Variants in ZNF829 observed in about 807,000 individuals in gnomAD.
The protein encoded by ZNF829 is zinc finger protein 829.
A neutral mutation model predicts 35.2 loss-of-function variants in ZNF829; 25 were observed. The observed-to-expected ratio is 0.71, with a 90% CI of 0.52 to 0.99. ZNF829 has a LOEUF of 0.99. Among genes scored for constraint, ZNF829 ranks in the 50% least tolerant of loss-of-function variants. ZNF829 has a pLI of 0.00. For missense variants in ZNF829, 417 were observed against 515.3 expected (o/e 0.81, Z 1.85); for synonymous variants, 136 against 163.2 (o/e 0.83, Z 1.27).
chr19:36,903,765 C>T (rs971822416), intron 5 of ZNF829, among the ~76,000 whole-genome samples: 1 of 151,176 alleles, frequency 6.6e-6, no homozygotes, highest in Non-Finnish European at 1.5e-5. Context: ...GTGGCAGGTG[C>T]CTCTAATCCC....
intron 5 of ZNF829, chr19:36,901,898 G>A (rs1179621720): frequency 2.6e-6 from 2 of 762,098 alleles, no homozygotes; most frequent in African/African-American, 3.4e-5. Flanking sequence ...TCAGAAATTT[G>A]CCATGAAGGA....
intron 5 of ZNF829, chr19:36,892,853 G>A (rs1303492083): frequency 8.9e-7 from 1 of 1,122,978 alleles, no homozygotes; most frequent in Non-Finnish European, 1.1e-6. Context: ...CCAGCTCTGT[G>A]TCTCCTCGTC....
chr19:36,913,603 G>A (rs1005271428), intron 3 of ZNF829, among the ~76,000 whole-genome samples: 6 of 152,160 alleles, frequency 3.9e-5, no homozygotes, highest in African/African-American at 1.4e-4. Context: ...ACCAAAAAGA[G>A]ATAAGACACA....
Position 36,915,115 on chromosome 19 carries a change from A to G in ZNF829, c.38+15T>C. On this transcript the variant is annotated intron_variant, in intron 2 of 5. Coordinates refer to ENST00000391711, the MANE Select transcript of ZNF829 (RefSeq NM_001037232.4). ...ATTAGTCAAGTAAGAGTTCTTCCCC[A>G]GCCCCATTACCCACCACACATGAGG... is the stretch of plus-strand genomic sequence containing the variant. 6.2e-7 allele frequency: 1 copy of G among 1,614,110 alleles called. No homozygotes were observed. The highest frequency in any genetic ancestry group is 8.5e-7 in the Non-Finnish European group (1 of 1,180,006).
At position 36,907,934 on chromosome 19, in the gene ZNF829, C is replaced by T; in HGVS notation, c.314G>A (p.Cys105Tyr). The change falls in exon 5 of 6, where the codon TGT becomes TAT. Residue 105 changes from cysteine to tyrosine, a missense_variant. Physicochemically the swap from Cys to Tyr is radical, Grantham distance 194 (BLOSUM62 -2). Coordinates refer to ENST00000391711, the MANE Select transcript of ZNF829 (RefSeq NM_001037232.4). ...MVDRELTRGL[C>Y]SDLESMCETK... ...AGCCATCATCTCTTACTTACCTGAACACAGGCCTCTAGTCAGCTCTCTATC... is the reference window on the plus strand; with the variant it reads ...AGCCATCATCTCTTACTTACCTGAATACAGGCCTCTAGTCAGCTCTCTATC... 6.2e-7 allele frequency: 1 copy of T among 1,613,660 alleles called. No individual in the cohort carries two copies.
intron 5 of ZNF829, chr19:36,902,023 G>A (rs2073170728): frequency 4.6e-6 from 3 of 651,048 alleles, no homozygotes; most frequent in Admixed American, 2.2e-5. Context: ...TACGTAATGG[G>A]GATGAAGATT....
At chr19:36,913,789 T>C (rs1333437455) in intron 3 of ZNF829, among the ~76,000 whole-genome samples, 1 of 152,102 alleles carries the variant, frequency 6.6e-6, no homozygotes, top group Non-Finnish European at 1.5e-5. Context: ...ATAAAACACA[T>C]TTATATATCT....
In ZNF829 at chr19:36,908,393, C is replaced by G; in HGVS notation, c.163G>C (p.Asp55His). 6.2e-7 allele frequency: 1 copy of G among 1,613,760 alleles called. No individual in the cohort carries two copies. The highest frequency in any genetic ancestry group is 8.5e-7 in the Non-Finnish European group (1 of 1,179,810). ...SQEEWECLDA[D>H]QMNLYKEVML... ...ACTTCTTTGTATAAATTCATCTGAT[C>G]AGCGTCCAGGCATTCCCATTCCTCT... Residue 55 changes from aspartate (D) to histidine (H), a missense_variant, in exon 4 of 6, where the codon GAT becomes CAT. Transcript: ENST00000391711.
Position 36,891,533 on chromosome 19 carries a change from G to A in ZNF829, c.1258C>T (p.Arg420Cys), listed in dbSNP as rs556562482. 8.0e-5 allele frequency: 128 copies of A among 1,598,172 alleles called. No individual in the cohort carries two copies. Among genetic ancestry groups the A allele is most frequent in the Non-Finnish European group, 9.2e-5 (108 of 1,173,564 alleles). Residue 420 changes from arginine (R) to cysteine (C), a missense_variant, in exon 6 of 6, where the codon CGC becomes TGC. Transcript: ENST00000391711. Reference protein sequence around the residue: ...CKECGKAFGSRSDLIRHEGIH... With the variant: ...CKECGKAFGSCSDLIRHEGIH... The stretch of plus-strand genomic sequence containing the variant: ...CCCTCATGGCGAATGAGGTCAGAGC[G>A]ACTACCAAAAGCCTTTCCACATTCC...
Position 36,907,954 on chromosome 19 carries a change from T to A in ZNF829, c.294A>T (p.Arg98Ser). 3 of 1,614,100 alleles carry A rather than the reference T, an allele frequency of 1.9e-6. No homozygotes were observed. The highest frequency in any genetic ancestry group is 2.5e-6 in the Non-Finnish European group (3 of 1,179,966). Residue 98 changes from arginine (R) to serine (S), a missense_variant, in exon 5 of 6, where the codon AGA (arginine) becomes AGT (serine). Arg to Ser is a moderately radical substitution (Grantham distance 110, BLOSUM62 -1). Coordinates refer to ENST00000391711, the MANE Select transcript of ZNF829 (RefSeq NM_001037232.4). ...CTGAACACAGGCCTCTAGTCAGCTCTCTATCAACCATCCAGGGCTCTTTTC... is the reference window on the plus strand; with the variant it reads ...CTGAACACAGGCCTCTAGTCAGCTCACTATCAACCATCCAGGGCTCTTTTC... The part of the protein sequence containing the change: ...EQGKEPWMVD[R>S]ELTRGLCSDL...
At chr19:36,909,920 A>G (rs2073249860) in intron 3 of ZNF829, among the ~76,000 whole-genome samples, 1 of 152,116 alleles carries the variant, frequency 6.6e-6, no homozygotes, top group Non-Finnish European at 1.5e-5. Context: ...CTGCCTAGAA[A>G]TCACTGGAAA....
intron 5 of ZNF829, among the ~76,000 whole-genome samples, chr19:36,899,195 A>AT (rs1431099404): frequency 7.9e-5 from 12 of 152,154 alleles, no homozygotes; most frequent in African/African-American, 2.9e-4. Flanking sequence ...ATCCCAGCAC[A>AT]TTGGGAGGCC....
intron 5 of ZNF829, among the ~76,000 whole-genome samples, chr19:36,899,909 T>TAAAA (rs2073147894): frequency 6.7e-6 from 1 of 149,874 alleles, no homozygotes; most frequent in African/African-American, 2.5e-5. Context: ...TATAAAAATT[T>TAAAA]TTTTTTAAAC....
At chr19:36,904,352 G>A (rs10412740) in intron 5 of ZNF829, among the ~76,000 whole-genome samples, 2,048 of 152,248 alleles carry the variant, frequency 0.013, 59 homozygotes, top group African/African-American at 0.047. Flanking sequence ...AGAGGGACTG[G>A]GGCAGTCATG....
At chr19:36,897,568 A>G (rs1033053500) in intron 5 of ZNF829, among the ~76,000 whole-genome samples, 5 of 152,184 alleles carry the variant, frequency 3.3e-5, no homozygotes, top group East Asian at 1.9e-4. Flanking sequence ...AAGACCATAT[A>G]TGACAAACGT....
intron 5 of ZNF829, chr19:36,892,873 G>T (rs951054055): frequency 4.0e-5 from 46 of 1,155,876 alleles, no homozygotes; most frequent in African/African-American, 9.6e-5. Flanking sequence ...CGTACAGCTT[G>T]TGGAGCTCCG....
intron 5 of ZNF829, among the ~76,000 whole-genome samples, chr19:36,902,684 T>A (rs1004571638): frequency 2.0e-5 from 3 of 150,356 alleles, no homozygotes; most frequent in African/African-American, 5.0e-5. Context: ...TAATAAAAAC[T>A]ATACAATTAT....
intron 5 of ZNF829, among the ~76,000 whole-genome samples, chr19:36,902,402 A>G (rs2073175540): frequency 6.6e-6 from 1 of 151,964 alleles, no homozygotes; most frequent in Non-Finnish European, 1.5e-5. Flanking sequence ...TGGGAGGCAA[A>G]GGCAGGCGGA....
chr19:36,908,554 G>T, intron 3 of ZNF829, 95 bp from the exon 4 acceptor site: 1 of 1,378,952 alleles, frequency 7.3e-7, no homozygotes, highest in Non-Finnish European at 9.8e-7. Context: ...AATTAAAGGG[G>T]GTGAATCCTA....
Sources: gnomAD v4.1 joint callset for allele counts (sites outside exome capture counted in the v4.1 genomes callset) on GRCh38, gnomAD v4.1.1 for gene constraint, MANE v1.5 for transcripts, NCBI Gene and HGNC (gene_info 2026-07-23, HGNC 2026-07-21) for gene names.